Variants in VWA8 observed in about 807,000 individuals in gnomAD.
The protein encoded by VWA8 is von Willebrand factor A domain containing 8, also known as von Willebrand factor A domain-containing protein 8.
A neutral mutation model predicts 241.5 loss-of-function variants in VWA8; 221 were observed. The ratio of observed to expected loss-of-function variants is 0.91; its 90% confidence interval spans 0.82 to 1.02. The LOEUF (loss-of-function observed/expected upper bound fraction) is 1.02, where lower values mean the gene tolerates loss of function less well. VWA8 is among the 50% of genes least tolerant of loss of function. The pLI is 0.00. For synonymous variants in VWA8, 852 were observed against 827.1 expected, an observed-to-expected ratio of 1.03 and a Z score of -0.52; for missense variants, 2,322 against 2,328.7, an observed-to-expected ratio of 1.00 and a Z score of 0.06.
intron 12 of VWA8, among the ~76,000 whole-genome samples, chr13:41,859,490 T>A (rs958509969): frequency 6.6e-6 from 1 of 152,186 alleles, no homozygotes; most frequent in Non-Finnish European, 1.5e-5. Context: ...TAGATTAAAT[T>A]TGACTTGGTG....
intron 37 of VWA8, among the ~76,000 whole-genome samples, chr13:41,619,398 A>C (rs1593654195): frequency 6.6e-6 from 1 of 152,228 alleles, no homozygotes; most frequent in African/African-American, 2.4e-5. Flanking sequence ...CTAAATGTAC[A>C]ATCATGTCAT....
rs1274490671 is a variant in VWA8 at position 41,685,061 on chromosome 13, T to C, written c.4313A>G (p.Asp1438Gly). ...ILPPGEVPLK[D>G]IYPKDVTPPQ... ...TTCCTTCTTACCTTTTGGGTAGATATCTTTTAGAGGGACTTCTCCTGGGGG... is the reference window on the plus strand; with the variant it reads ...TTCCTTCTTACCTTTTGGGTAGATACCTTTTAGAGGGACTTCTCCTGGGGG... Residue 1438 changes from aspartate to glycine, a missense_variant, in exon 35 of 45, where the codon GAT becomes GGT. Coordinates refer to ENST00000379310, the MANE Select transcript of VWA8 (RefSeq NM_015058.2). The C allele has an allele frequency of 5.6e-6, 9 of 1,612,830 alleles. No homozygotes were observed. The highest frequency in any genetic ancestry group is 3.3e-4 in the Middle Eastern group (2 of 6,066).
At chr13:41,587,772 T>C (rs899761173) in intron 41 of VWA8, 102 bp from the exon 42 acceptor site, 8 of 1,415,246 alleles carry the variant, frequency 5.7e-6, no homozygotes, top group South Asian at 1.3e-5. Context: ...AGCCCCGAGA[T>C]GGGCAGACCA....
intron 12 of VWA8, among the ~76,000 whole-genome samples, chr13:41,834,396 T>G (rs865965044): frequency 7.2e-5 from 11 of 152,222 alleles, no homozygotes; most frequent in Non-Finnish European, 1.6e-4. Context: ...ATTTAAAGTC[T>G]TCTGTAAATT....
chr13:41,701,647 CT>C (rs1200049520), intron 27 of VWA8, 117 bp from the exon 28 acceptor site: 9 of 984,932 alleles, frequency 9.1e-6, no homozygotes, highest in Admixed American at 3.7e-5. Flanking sequence ...CCTGCTATAC[CT>C]TTTTTCAATT....
At chr13:41,579,940 G>A (rs1255033717) in intron 42 of VWA8, among the ~76,000 whole-genome samples, 4 of 151,978 alleles carry the variant, frequency 2.6e-5, no homozygotes, top group Admixed American at 2.0e-4. Flanking sequence ...TCAACCTCCT[G>A]GGCTCAAGTA....
intron 43 of VWA8, among the ~76,000 whole-genome samples, chr13:41,572,378 A>AAGAG (rs1193700963): frequency 6.6e-6 from 1 of 152,262 alleles, no homozygotes; most frequent in Non-Finnish European, 1.5e-5. Flanking sequence ...ATGTGGGGAA[A>AAGAG]AGAGATCAGA....
chr13:41,795,158 C>G (rs1260651688), intron 17 of VWA8, among the ~76,000 whole-genome samples: 1 of 151,680 alleles, frequency 6.6e-6, no homozygotes, highest in Non-Finnish European at 1.5e-5. Flanking sequence ...AGACACTTTT[C>G]AAAAGAATAC....
intron 4 of VWA8, among the ~76,000 whole-genome samples, chr13:41,894,738 A>T (rs969982594): frequency 2.0e-5 from 3 of 152,224 alleles, no homozygotes; most frequent in African/African-American, 7.2e-5. Context: ...CACCTTAATT[A>T]ACCAAGTGAT....
In VWA8 at chr13:41,824,811, T is replaced by C. The variant is rs527908313; in HGVS notation, c.1701-5425A>G. Among the ~76,000 whole-genome samples the C allele has an allele frequency of 5.9e-5, 8 of 134,794 alleles. 1 individual carries two copies. In the South Asian group the frequency reaches 1.6e-3, roughly 27 times the overall value. The allele number at this position is 134,794 out of a possible 152,430, so 88.4% of individuals were successfully genotyped here. On this transcript the variant is annotated intron_variant, in intron 14 of 44. Transcript: ENST00000379310. Reference sequence around the variant, plus strand: ...TCAGCCTGGGTGAAAGATGAGACCCTATCGAAAAGAAAAAGAAACAGAAAA... The same window carrying C: ...TCAGCCTGGGTGAAAGATGAGACCCCATCGAAAAGAAAAAGAAACAGAAAA...
At chr13:41,801,274 T>A (rs912594132) in intron 17 of VWA8, among the ~76,000 whole-genome samples, 1 of 152,168 alleles carries the variant, frequency 6.6e-6, no homozygotes, top group Non-Finnish European at 1.5e-5. Context: ...TATTCTTATT[T>A]CCTATACTTA....
chr13:41,675,145 A>C (rs546414808), intron 36 of VWA8, 70 bp downstream of exon 36: 28 of 1,125,224 alleles, frequency 2.5e-5, no homozygotes, highest in South Asian at 2.3e-4. Flanking sequence ...TCATTTATTC[A>C]GAGTACTTAG....
chr13:41,747,603 C>T (rs2045618783), intron 21 of VWA8, among the ~76,000 whole-genome samples: 1 of 152,110 alleles, frequency 6.6e-6, no homozygotes, highest in African/African-American at 2.4e-5. Flanking sequence ...CTTCTCCTGC[C>T]TGATTGCCCT....
intron 12 of VWA8, among the ~76,000 whole-genome samples, chr13:41,848,392 A>T (rs1872380134): frequency 6.6e-6 from 1 of 152,140 alleles, no homozygotes; most frequent in Non-Finnish European, 1.5e-5. Flanking sequence ...TCAGGGTAAT[A>T]TGGCTTGGCT....
chr13:41,703,450 T>A (rs1178702504), intron 26 of VWA8, 39 bp from the exon 27 acceptor site: 1 of 1,576,344 alleles, frequency 6.3e-7, no homozygotes, highest in Non-Finnish European at 8.7e-7. Flanking sequence ...TTTCTTATTG[T>A]ACCCAAGTCA....
intron 42 of VWA8, among the ~76,000 whole-genome samples, chr13:41,580,362 C>T (rs1566375114): frequency 6.6e-6 from 1 of 152,206 alleles, no homozygotes; most frequent in Non-Finnish European, 1.5e-5. Flanking sequence ...ACAGCCTAAA[C>T]TGATAGGATG....
At position 41,691,733 on chromosome 13, in the gene VWA8, G is replaced by T. The variant is rs2045179302; in HGVS notation, c.3740+141C>A. On this transcript the variant is annotated intron_variant, in intron 31 of 44. Transcript: ENST00000379310. ...TCTTATATCTGTTTCTCAATATTCT[G>T]CAATGTGGGCAAGTTACTTTATATT... 11 of 742,190 alleles carry T rather than the reference G, an allele frequency of 1.5e-5. No homozygotes were observed. In the East Asian group the frequency reaches 2.7e-4, roughly 18 times the overall value. 46.0% of individuals were successfully genotyped at this position (742,190 alleles called of 1,614,324 possible). A position where few individuals can be genotyped will look rare whatever the true frequency, so the allele number is the denominator to read the frequency against.
chr13:41,801,197 G>A (rs1869944180), intron 17 of VWA8, among the ~76,000 whole-genome samples: 1 of 151,176 alleles, frequency 6.6e-6, no homozygotes, highest in Non-Finnish European at 1.5e-5. Flanking sequence ...TCAACTACCA[G>A]GGCATATCTA....
At chr13:41,891,151 G>T (rs1232038945) in intron 5 of VWA8, among the ~76,000 whole-genome samples, 2 of 131,866 alleles carry the variant, frequency 1.5e-5, no homozygotes, top group Admixed American at 7.6e-5. Flanking sequence ...AGAAAGAGAA[G>T]AAGAAAAAAT....
Sources: allele counts gnomAD v4.1 joint callset (sites outside exome capture counted in the v4.1 genomes callset), GRCh38; gene constraint gnomAD v4.1.1; transcripts MANE v1.5; gene names NCBI Gene and HGNC (gene_info 2026-07-23, HGNC 2026-07-21).